NEO1: variants seen among roughly 807,000 people sequenced by gnomAD.
NEO1 encodes the protein neogenin 1.
In NEO1, 63 loss-of-function variants were observed where a neutral mutation model predicts 159.7. The observed-to-expected ratio is 0.39, with a 90% confidence interval of 0.32 to 0.49. NEO1 has a LOEUF of 0.49. NEO1 is among the 20% of genes least tolerant of loss of function. The pLI is 0.85. For synonymous variants in NEO1, 633 were observed against 662.0 expected (o/e 0.96, Z 0.67); for missense variants, 1,615 against 1,831.0 (o/e 0.88, Z 2.15).
At chr15:73,128,331 CA>C (rs996894276) in intron 4 of NEO1, among the ~76,000 whole-genome samples, 1 of 150,722 alleles carries the variant, frequency 6.6e-6, no homozygotes, top group East Asian at 2.0e-4. Context: ...TAATTGGCTA[CA>C]AGTTAGAACA....
chr15:73,218,481 G>A (rs1254151043), intron 7 of NEO1, among the ~76,000 whole-genome samples: 2 of 152,030 alleles, frequency 1.3e-5, no homozygotes, highest in Non-Finnish European at 2.9e-5. Context: ...GTATTGATTG[G>A]AATAGTTTCA....
chr15:73,213,002 A>G lies in NEO1; in HGVS notation c.1292-23345A>G, dbSNP rs2152094554. 1.4e-5 allele frequency among the ~76,000 whole-genome samples: 2 copies of G among 141,660 alleles called. 1 individual carries two copies. Among genetic ancestry groups the G allele is most frequent in the Non-Finnish European group, 3.1e-5 (2 of 64,840 alleles). 92.9% of individuals were successfully genotyped at this position (141,660 alleles called of 152,430 possible). A position where few individuals can be genotyped will look rare whatever the true frequency, so the allele number is the denominator to read the frequency against. On this transcript the variant is annotated intron_variant, in intron 7 of 28. Coordinates refer to ENST00000261908, the MANE Select transcript of NEO1 (RefSeq NM_002499.4). ...TATTTGAAAGAATATGCGCCAAACTATTAATAGCAGTGTTTTGGAGGTCAT... is the reference window on the plus strand; with the variant it reads ...TATTTGAAAGAATATGCGCCAAACTGTTAATAGCAGTGTTTTGGAGGTCAT...
At chr15:73,097,135 A>G (rs983186500) in intron 1 of NEO1, among the ~76,000 whole-genome samples, 1 of 152,120 alleles carries the variant, frequency 6.6e-6, no homozygotes, top group African/African-American at 2.4e-5. Context: ...CAAAAAAACA[A>G]TTAATAATAA....
rs555898314 is a variant in NEO1 at position 73,103,853 on chromosome 15, T to C, written c.131-12687T>C. Among the ~76,000 whole-genome samples, 3 of 152,276 alleles carry C rather than the reference T, an allele frequency of 2.0e-5. No individual in the cohort carries two copies. The South Asian group carries it at 6.2e-4, about 32-fold the overall frequency. On this transcript the variant is annotated intron_variant, in intron 1 of 28. Coordinates refer to ENST00000261908, the MANE Select transcript of NEO1 (RefSeq NM_002499.4). ...TTAGTAATATTTTTGAAAGAATGTG[T>C]AAATTATTATTATTGTTTTGAGATG... is the stretch of plus-strand genomic sequence containing the variant.
At chr15:73,254,927 A>G in intron 13 of NEO1, 98 bp downstream of exon 13, 3 of 1,330,126 alleles carry the variant, frequency 2.3e-6, no homozygotes, top group African/African-American at 1.5e-5. Context: ...GACTTATACA[A>G]ACAAATTTAA....
At chr15:73,061,333 G>A (rs149606800) in intron 1 of NEO1, among the ~76,000 whole-genome samples, 133 of 152,326 alleles carry the variant, frequency 8.7e-4, no homozygotes, top group African/African-American at 3.0e-3. Context: ...TACTGCTAAT[G>A]GATATTGCCT....
chr15:73,282,536 C>T (rs1182077322), intron 22 of NEO1, among the ~76,000 whole-genome samples: 1 of 152,214 alleles, frequency 6.6e-6, no homozygotes, highest in African/African-American at 2.4e-5. Context: ...TTGGGGAAAA[C>T]TTCTGCTTTG....
rs955317509 is a variant in NEO1 at position 73,289,026 on chromosome 15, G to A, written c.3650-120G>A. On this transcript the variant is annotated intron_variant, in intron 24 of 28. Transcript: ENST00000261908. ...TCTTTATTTCACTTCTTACAGAAAT[G>A]TCTTGTCCCCATTATGCTGTTTGTG... 14 of 711,272 alleles carry A rather than the reference G, an allele frequency of 2.0e-5. No individual in the cohort carries two copies. The South Asian group carries it at 2.2e-4, about 11-fold the overall frequency. The allele number at this position is 711,272 out of a possible 1,614,324, so 44.1% of individuals were successfully genotyped here. A position where few individuals can be genotyped will look rare whatever the true frequency, so the allele number is the denominator to read the frequency against.
Position 73,272,483 on chromosome 15 carries a change from T to C in NEO1, c.2886T>C (p.Thr962=). The C allele has an allele frequency of 6.2e-7, 1 of 1,614,110 alleles. No individual in the cohort carries two copies. Among genetic ancestry groups the C allele is most frequent in the East Asian group, 2.2e-5 (1 of 44,882 alleles). Reference sequence around the variant, plus strand: ...CGACTTCTCCACCCAAGGATGTGACTGTTGTGAGTAAAGAGGGGAAACCTA... The same window carrying C: ...CGACTTCTCCACCCAAGGATGTGACCGTTGTGAGTAAAGAGGGGAAACCTA... The part of the protein sequence containing the change: ...LVPTSPPKDV[T]VVSKEGKPKT... The change falls in exon 19 of 29, where the codon ACT becomes ACC. Residue 962 remains threonine (T), a synonymous_variant. Coordinates refer to ENST00000261908, the MANE Select transcript of NEO1 (RefSeq NM_002499.4).
chr15:73,273,768 A>G, intron 19 of NEO1, 43 bp from the exon 20 acceptor site: 1 of 1,509,032 alleles, frequency 6.6e-7, no homozygotes. Flanking sequence ...GCAAAAGGAA[A>G]AGCAGGAGTG....
intron 22 of NEO1, among the ~76,000 whole-genome samples, chr15:73,282,666 G>A (rs2041779772): frequency 6.6e-6 from 1 of 152,198 alleles, no homozygotes; most frequent in African/African-American, 2.4e-5. Context: ...CTCTTTATCT[G>A]TCTAAGTATA....
intron 5 of NEO1, among the ~76,000 whole-genome samples, chr15:73,160,272 G>A (rs1407085901): frequency 6.6e-6 from 1 of 152,024 alleles, no homozygotes; most frequent in Non-Finnish European, 1.5e-5. Flanking sequence ...CAGAATGTGG[G>A]GGTTATTTCC....
chr15:73,300,367 A>G (rs1212220106), intron 27 of NEO1, among the ~76,000 whole-genome samples: 1 of 152,216 alleles, frequency 6.6e-6, no homozygotes, highest in Admixed American at 6.5e-5. Context: ...CTGTCTTTGA[A>G]CTAACAGTGA....
At position 73,253,389 on chromosome 15, in the gene NEO1, T is replaced by TTTC; in HGVS notation, c.1895-11_1895-10insTTC. The TTTC allele has an allele frequency of 6.5e-7, 1 of 1,546,660 alleles. No individual in the cohort carries two copies. Reference sequence around the variant, plus strand: ...AAAAAAAAAATTTTTTTTTTTTTTTTGTTTCTCTAGTTCCCAGTGCTGCTC... The same window carrying TTTC: ...AAAAAAAAAATTTTTTTTTTTTTTTTTTCGTTTCTCTAGTTCCCAGTGCTGCTC... On this transcript the variant is annotated splice_polypyrimidine_tract_variant and intron_variant, in intron 11 of 28. Transcript: ENST00000261908.
At chr15:73,107,843 C>G (rs2070768083) in intron 1 of NEO1, among the ~76,000 whole-genome samples, 1 of 152,204 alleles carries the variant, frequency 6.6e-6, no homozygotes, top group Admixed American at 6.5e-5. Flanking sequence ...TTGGGTCTTA[C>G]TCTTAGGAGA....
chr15:73,064,312 G>A (rs1239154422), intron 1 of NEO1, among the ~76,000 whole-genome samples: 2 of 152,146 alleles, frequency 1.3e-5, no homozygotes, highest in Non-Finnish European at 2.9e-5. Flanking sequence ...CATATCTCAT[G>A]TTTTGTGCTC....
chr15:73,226,618 A>G lies in NEO1; in HGVS notation c.1292-9729A>G, dbSNP rs141132889. On this transcript the variant is annotated intron_variant, in intron 7 of 28. Transcript: ENST00000261908. ...ATATGTGTTAACATTTCCCAAAAGTAATATTCTGTGGAAGTATACTTTTGT... is the reference window on the plus strand; with the variant it reads ...ATATGTGTTAACATTTCCCAAAAGTGATATTCTGTGGAAGTATACTTTTGT... Among the ~76,000 whole-genome samples, 4 of 152,326 alleles carry G rather than the reference A, an allele frequency of 2.6e-5. No individual in the cohort carries two copies. In the East Asian group the frequency reaches 7.7e-4, roughly 29 times the overall value.
At chr15:73,222,090 A>AC (rs1205649091) in intron 7 of NEO1, 1 of 49,660 alleles carries the variant, frequency 2.0e-5, no homozygotes. Flanking sequence ...CCCTGTTGGT[A>AC]ATTTTTTTTT....
Position 73,122,768 on chromosome 15 carries a change from A to G in NEO1, c.692A>G (p.Tyr231Cys). ...GTGGAAAGTGGTGGGCCACCAAAGT[A>G]TAGTGATGAAGTTGAATTGAAGGTT... is the stretch of plus-strand genomic sequence containing the variant. ...CVVESGGPPKYSDEVELKVLP... is the reference protein window; with the variant it reads ...CVVESGGPPKCSDEVELKVLP... The change falls in exon 3 of 29, where the codon TAT (tyrosine) becomes TGT (cysteine). Residue 231 changes from tyrosine (Y) to cysteine (C), a missense_variant. By Grantham distance (194) the Tyr-to-Cys change is radical (BLOSUM62 -2). Coordinates refer to ENST00000261908, the MANE Select transcript of NEO1 (RefSeq NM_002499.4). 6.2e-7 allele frequency: 1 copy of G among 1,614,224 alleles called. No homozygotes were observed. The highest frequency in any genetic ancestry group is 1.1e-5 in the South Asian group (1 of 91,088).
Sources: gnomAD v4.1 joint callset for allele counts (sites outside exome capture counted in the v4.1 genomes callset) on GRCh38, gnomAD v4.1.1 for gene constraint, MANE v1.5 for transcripts, NCBI Gene and HGNC (gene_info 2026-07-23, HGNC 2026-07-21) for gene names.